DCTN6: variants seen among roughly 807,000 people sequenced by gnomAD.
The protein encoded by DCTN6 is dynactin 6.
Under a neutral mutation model 25.8 loss-of-function variants are expected in DCTN6, and 15 were observed. The ratio of observed to expected loss-of-function variants is 0.58; its 90% CI spans 0.39 to 0.89. DCTN6 has a LOEUF of 0.89. DCTN6 is among the 40% of genes least tolerant of loss of function. The pLI, the probability that DCTN6 is intolerant of heterozygous loss-of-function variation, is 0.00. For synonymous variants in DCTN6, 64 were observed against 78.3 expected (o/e 0.82, Z 0.96); for missense variants, 198 against 237.6 (o/e 0.83, Z 1.09).
intron 1 of DCTN6, among the ~76,000 whole-genome samples, chr8:30,156,881 T>C (rs1803534154): frequency 6.6e-6 from 1 of 152,200 alleles, no homozygotes; most frequent in South Asian, 2.1e-4. Flanking sequence ...GGGTGGGGTG[T>C]GTAAAGGGAT....
At chr8:30,157,649 G>A (rs964258219) in intron 1 of DCTN6, among the ~76,000 whole-genome samples, 1 of 152,160 alleles carries the variant, frequency 6.6e-6, no homozygotes, top group South Asian at 2.1e-4. Context: ...AAACATGTGG[G>A]GACAGGAAGT....
rs565042724 is a variant in DCTN6 at position 30,174,920 on chromosome 8, A to T, written c.89-165A>T. Among the ~76,000 whole-genome samples, 8 of 152,236 alleles carry T rather than the reference A, an allele frequency of 5.3e-5. No homozygotes were observed. The East Asian group carries it at 1.4e-3, about 26-fold the overall frequency. On this transcript the variant is annotated intron_variant, in intron 2 of 6. Transcript: ENST00000221114. ...GCTTGCAACTTGGCCCTGACTACTG[A>T]TGATAAAGCCTGGGAGATAGTATCT...
chr8:30,175,027 C>G lies in DCTN6; in HGVS notation c.89-58C>G, dbSNP rs1033454136. On this transcript the variant is annotated intron_variant, in intron 2 of 6. Transcript: ENST00000221114. ...CTCACCCATCCTCAGTCACCTTCCA[C>G]CCTTCTGTTGGAAGCATAGCCTCCA... 4.6e-6 allele frequency: 7 copies of G among 1,518,586 alleles called. No homozygotes were observed. In the African/African-American group the frequency reaches 9.6e-5, roughly 21 times the overall value. 94.1% of individuals were successfully genotyped at this position (1,518,586 alleles called of 1,614,324 possible).
chr8:30,179,386 T>G, intron 4 of DCTN6, 22 bp from the exon 5 acceptor site: 1 of 1,601,034 alleles, frequency 6.2e-7, no homozygotes, highest in East Asian at 2.2e-5. Flanking sequence ...ATTTGTAGTA[T>G]TTACCTAACT....
At chr8:30,156,753 C>T (rs1241836039) in intron 1 of DCTN6, among the ~76,000 whole-genome samples, 2 of 152,198 alleles carry the variant, frequency 1.3e-5, no homozygotes, top group Non-Finnish European at 2.9e-5. Context: ...CCTTCTCCCG[C>T]ATAATCGGCG....
rs1416699913 is a variant in DCTN6, at chr8:30,177,172, C to T, written c.241C>T (p.Pro81Ser). 6.2e-7 allele frequency: 1 copy of T among 1,613,826 alleles called. No homozygotes were observed. Among genetic ancestry groups the T allele is most frequent in the Admixed American group, 1.7e-5 (1 of 60,004 alleles). ...TGACACTGAAGATCCAGAACCAAAA[C>T]CTATGATCATTGGCACCAATAATGT... ...TPDTEDPEPK[P>S]MIIGTNNVFE... Residue 81 changes from proline (P) to serine (S), a missense_variant, in exon 4 of 7, where the codon CCT becomes TCT. Physicochemically the swap from Pro to Ser is moderately conservative, Grantham distance 74. Transcript: ENST00000221114.
chr8:30,156,513 CG>C, intron 1 of DCTN6, 107 bp downstream of exon 1: 1 of 1,356,022 alleles, frequency 7.4e-7, no homozygotes, highest in Non-Finnish European at 1.0e-6. Flanking sequence ...CCTGGGCATT[CG>C]GGCCGAAGGT....
At chr8:30,159,242 G>GC (rs1554488004) in intron 1 of DCTN6, among the ~76,000 whole-genome samples, 2 of 152,004 alleles carry the variant, frequency 1.3e-5, no homozygotes, top group African/African-American at 4.8e-5. Flanking sequence ...GGGATTATTA[G>GC]TTTTTTCTAT....
chr8:30,163,113 C>A (rs1252569327), intron 1 of DCTN6, among the ~76,000 whole-genome samples: 1 of 151,934 alleles, frequency 6.6e-6, no homozygotes, highest in East Asian at 1.9e-4. Context: ...GCCTCACCAA[C>A]CTGAAAAAAC....
intron 1 of DCTN6, among the ~76,000 whole-genome samples, chr8:30,161,719 A>G (rs1448044908): frequency 1.5e-4 from 23 of 150,782 alleles, no homozygotes. Flanking sequence ...GTATTTAAAA[A>G]TAGATAGAAT....
At chr8:30,164,781 GC>G (rs1803643670) in intron 2 of DCTN6, among the ~76,000 whole-genome samples, 2 of 152,220 alleles carry the variant, frequency 1.3e-5, no homozygotes, top group South Asian at 4.1e-4. Flanking sequence ...GGCCCTGCAG[GC>G]CAGGAAGTGA....
chr8:30,162,108 G>T (rs2174131), intron 1 of DCTN6, among the ~76,000 whole-genome samples: 2,373 of 149,714 alleles, frequency 0.016, 74 homozygotes, highest in African/African-American at 0.056. Flanking sequence ...TTTTCTTTTC[G>T]AGATGGAGTC....
chr8:30,174,033 G>T (rs898466498), intron 2 of DCTN6, among the ~76,000 whole-genome samples: 1 of 152,176 alleles, frequency 6.6e-6, no homozygotes, highest in Non-Finnish European at 1.5e-5. Context: ...TCAGGGCGGG[G>T]TAGACCGTGC....
intron 2 of DCTN6, among the ~76,000 whole-genome samples, chr8:30,168,070 A>G (rs2117584287): frequency 6.6e-6 from 1 of 152,352 alleles, no homozygotes; most frequent in South Asian, 2.1e-4. Context: ...AATACTTGTT[A>G]TATTTACTTT....
intron 5 of DCTN6, among the ~76,000 whole-genome samples, chr8:30,180,056 T>G (rs1803891876): frequency 6.6e-6 from 1 of 152,266 alleles, no homozygotes; most frequent in African/African-American, 2.4e-5. Flanking sequence ...TTACACTTTT[T>G]GTTAATCTAC....
intron 2 of DCTN6, among the ~76,000 whole-genome samples, chr8:30,169,910 C>A (rs547931252): frequency 3.9e-5 from 6 of 152,312 alleles, no homozygotes; most frequent in African/African-American, 1.2e-4. Flanking sequence ...CGGTGGCTCA[C>A]GCCTTTAATC....
intron 6 of DCTN6, 91 bp downstream of exon 6, chr8:30,180,721 T>C (rs2117601220): frequency 2.8e-6 from 4 of 1,414,466 alleles, no homozygotes; most frequent in East Asian, 2.5e-5. Context: ...GTACACTATT[T>C]AAGAACATAA....
At chr8:30,169,071 C>T (rs1401308060) in intron 2 of DCTN6, among the ~76,000 whole-genome samples, 2 of 152,210 alleles carry the variant, frequency 1.3e-5, no homozygotes, top group Admixed American at 6.5e-5. Context: ...AGGCGGAACT[C>T]GGCTCAGTGG....
At position 30,180,638 on chromosome 8, in the gene DCTN6, A is replaced by T. The variant is rs1372628797; in HGVS notation, c.474+8A>T. ...CAGACTGAGCGACCGCAGGTACTAG[A>T]ACCTCTCTTTAAAAAGAGTTCTATC... On this transcript the variant is annotated splice_region_variant and intron_variant, in intron 6 of 6. Transcript: ENST00000221114. The T allele has an allele frequency of 6.2e-7, 1 of 1,613,092 alleles. No homozygotes were observed. The highest frequency in any genetic ancestry group is 8.5e-7 in the Non-Finnish European group (1 of 1,179,684).
Sources: gnomAD v4.1 joint callset for allele counts (sites outside exome capture counted in the v4.1 genomes callset) on GRCh38, gnomAD v4.1.1 for gene constraint, MANE v1.5 for transcripts, NCBI Gene and HGNC (gene_info 2026-07-23, HGNC 2026-07-21) for gene names.